RANBP2: variants seen among roughly 807,000 people sequenced by gnomAD.
RANBP2 encodes the protein E3 SUMO-protein ligase RanBP2.
Under a neutral mutation model 303.6 loss-of-function variants are expected in RANBP2, and 57 were observed. The ratio of observed to expected loss-of-function variants is 0.19; its 90% CI spans 0.15 to 0.23. The LOEUF (loss-of-function observed/expected upper bound fraction) is 0.23, where lower values mean the gene tolerates loss of function less well. Among genes scored for constraint, RANBP2 ranks in the 10% least tolerant of loss-of-function variants. The pLI, the probability that RANBP2 is intolerant of heterozygous loss-of-function variation, is 1.00. For missense variants in RANBP2, 3,138 were observed against 3,780.8 expected (o/e 0.83, Z 4.46); for synonymous variants, 1,167 against 1,301.5 (o/e 0.90, Z 2.23).
chr2:109,461,931 C>T, the RANBP2 span, among the ~76,000 whole-genome samples: 1 of 152,134 alleles, frequency 6.6e-6, no homozygotes, highest in African/African-American at 2.4e-5. Context: ...AAGAGCCCCA[C>T]TCACCTTTTT....
At chr2:109,565,804 T>C in the RANBP2 span, 4 of 1,614,126 alleles carry the variant, frequency 2.5e-6, no homozygotes, top group Non-Finnish European at 3.4e-6. Context: ...TTTGACCATC[T>C]TGTTTCCGAC....
At chr2:109,302,660 G>A in the RANBP2 span, among the ~76,000 whole-genome samples, 1 of 152,232 alleles carries the variant, frequency 6.6e-6, no homozygotes, top group African/African-American at 2.4e-5. Context: ...TCGGGATGGC[G>A]TGACCTCTGG....
the RANBP2 span, among the ~76,000 whole-genome samples, chr2:109,373,110 G>A: frequency 6.6e-6 from 1 of 152,128 alleles, no homozygotes; most frequent in African/African-American, 2.4e-5. Flanking sequence ...CCACAGCAAT[G>A]GCAGATAATT....
the RANBP2 span, among the ~76,000 whole-genome samples, chr2:109,653,394 CAAA>C: frequency 7.1e-6 from 1 of 141,790 alleles, no homozygotes; most frequent in Non-Finnish European, 1.5e-5. Context: ...GATTTCGTCT[CAAA>C]AAAAAAAAAA....
the RANBP2 span, among the ~76,000 whole-genome samples, chr2:109,081,550 T>C: frequency 1.3e-5 from 2 of 152,152 alleles, no homozygotes; most frequent in African/African-American, 4.8e-5. Flanking sequence ...TCAGGGTTTA[T>C]GAGACAGATC....
the RANBP2 span, among the ~76,000 whole-genome samples, chr2:109,623,834 G>T: frequency 2.0e-5 from 3 of 152,200 alleles, no homozygotes; most frequent in South Asian, 4.1e-4. Flanking sequence ...CCAAAAACAA[G>T]GTTGGTAGGT....
the RANBP2 span, among the ~76,000 whole-genome samples, chr2:109,186,807 T>C: frequency 6.6e-6 from 1 of 152,298 alleles, no homozygotes; most frequent in South Asian, 2.1e-4. Context: ...AGGTTCCACC[T>C]ACAACCCCAG....
At chr2:108,832,650 C>T in the RANBP2 span, among the ~76,000 whole-genome samples, 1 of 152,032 alleles carries the variant, frequency 6.6e-6, no homozygotes, top group African/African-American at 2.4e-5. Context: ...ATTTGAGAAC[C>T]ACTGGTATAG....
At chr2:109,711,976 G>C in the RANBP2 span, among the ~76,000 whole-genome samples, 1 of 152,210 alleles carries the variant, frequency 6.6e-6, no homozygotes, top group Admixed American at 6.5e-5. Flanking sequence ...TTACAATGCA[G>C]TGCATCCTGC....
At chr2:108,837,412 A>G in the RANBP2 span, among the ~76,000 whole-genome samples, 3 of 152,322 alleles carry the variant, frequency 2.0e-5, no homozygotes, top group East Asian at 5.8e-4. Context: ...AATCCCTTTT[A>G]ATATACCGCC....
the RANBP2 span, among the ~76,000 whole-genome samples, chr2:109,174,729 C>T: frequency 4.6e-5 from 7 of 152,224 alleles, no homozygotes; most frequent in African/African-American, 1.4e-4. Context: ...TTTAACCCAG[C>T]GTCTTTGGAG....
Position 108,753,559 on chromosome 2 carries a change from C to T in RANBP2, c.2051C>T (p.Ala684Val). ...AGTGTTGTTTCTTATTGGAATCTTGCACTGGTAAGTAGATGCAGTACTTGA... is the reference window on the plus strand; with the variant it reads ...AGTGTTGTTTCTTATTGGAATCTTGTACTGGTAAGTAGATGCAGTACTTGA... ...IKSVVSYWNL[A>V]LIFHRKAEDI... Residue 684 changes from alanine (A) to valine (V), a missense_variant, in exon 14 of 29, where the codon GCA (alanine) becomes GTA (valine). Coordinates refer to ENST00000283195, the MANE Select transcript of RANBP2 (RefSeq NM_006267.5). 6.2e-7 allele frequency: 1 copy of T among 1,611,474 alleles called. No homozygotes were observed. The highest frequency in any genetic ancestry group is 8.5e-7 in the Non-Finnish European group (1 of 1,179,722).
chr2:109,656,993 A>C, the RANBP2 span, among the ~76,000 whole-genome samples: 121 of 152,340 alleles, frequency 7.9e-4, no homozygotes, highest in African/African-American at 2.5e-3. Context: ...TGGGGACAAT[A>C]TTCTGGCCCA....
the RANBP2 span, among the ~76,000 whole-genome samples, chr2:108,841,856 CA>C: frequency 6.6e-6 from 1 of 151,986 alleles, no homozygotes; most frequent in East Asian, 1.9e-4. Context: ...GTTACTTGAA[CA>C]TTTTTTAGAA....
At chr2:109,142,043 T>G in the RANBP2 span, among the ~76,000 whole-genome samples, 1 of 145,878 alleles carries the variant, frequency 6.9e-6, no homozygotes, top group Non-Finnish European at 1.5e-5. Flanking sequence ...TTGAGTCTCC[T>G]GGGGGGGGGG....
the RANBP2 span, among the ~76,000 whole-genome samples, chr2:109,166,207 G>A: frequency 1.3e-5 from 2 of 152,110 alleles, no homozygotes; most frequent in Admixed American, 6.6e-5. Flanking sequence ...GGCCAGGCAC[G>A]GTGGCTTATG....
At chr2:109,319,565 C>A in the RANBP2 span, among the ~76,000 whole-genome samples, 1 of 152,244 alleles carries the variant, frequency 6.6e-6, no homozygotes, top group African/African-American at 2.4e-5. Flanking sequence ...GGGCTGAAAA[C>A]AAGCCCAGTG....
chr2:108,846,833 T>C, the RANBP2 span: 1 of 1,613,390 alleles, frequency 6.2e-7, no homozygotes, highest in Non-Finnish European at 8.5e-7. Context: ...CACAGCATTC[T>C]GTGGAGAATA....
the RANBP2 span, among the ~76,000 whole-genome samples, chr2:109,267,548 G>A: frequency 6.6e-6 from 1 of 152,174 alleles, no homozygotes; most frequent in Non-Finnish European, 1.5e-5. Context: ...CCTTCCAACA[G>A]AGCCTATCAA....
Sources: gnomAD v4.1 joint callset for allele counts (sites outside exome capture counted in the v4.1 genomes callset) on GRCh38, gnomAD v4.1.1 for gene constraint, MANE v1.5 for transcripts, NCBI Gene and HGNC (gene_info 2026-07-23, HGNC 2026-07-21) for gene names.